Variants in DSG2 observed in about 807,000 individuals in gnomAD.
DSG2 encodes the protein desmoglein 2, also known as desmoglein-2.
A neutral mutation model predicts 75.6 loss-of-function variants in DSG2; 45 were observed. The ratio of observed to expected loss-of-function variants is 0.60; its 90% CI spans 0.47 to 0.76. DSG2 has a LOEUF of 0.76. DSG2 is among the 30% of genes least tolerant of loss of function. The probability of loss-of-function intolerance (pLI) is 0.00; values close to 1 mark genes in which losing one functional copy is unlikely to be tolerated. For synonymous variants in DSG2, 429 were observed against 483.9 expected, an observed-to-expected ratio of 0.89 and a Z score of 1.49; for missense variants, 1,267 against 1,357.4, an observed-to-expected ratio of 0.93 and a Z score of 1.05.
intron 1 of DSG2, among the ~76,000 whole-genome samples, chr18:31,513,369 C>T (rs1323799513): frequency 6.6e-6 from 1 of 152,196 alleles, no homozygotes; most frequent in East Asian, 1.9e-4. Flanking sequence ...TATGCATGTG[C>T]TTCTCTTCTA....
At chr18:31,514,628 A>G (rs2073084057) in intron 1 of DSG2, among the ~76,000 whole-genome samples, 1 of 152,196 alleles carries the variant, frequency 6.6e-6, no homozygotes, top group East Asian at 1.9e-4. Context: ...TGGTCTGAGA[A>G]CCCACAACAT....
At position 31,511,400 on chromosome 18, in the gene DSG2, G is replaced by A. The variant is rs115969915; in HGVS notation, c.46-6839G>A. On this transcript the variant is annotated intron_variant, in intron 1 of 14. Coordinates refer to ENST00000261590, the MANE Select transcript of DSG2 (RefSeq NM_001943.5). ...CCCAGTGGCAGGAGGAGCGGGGCAG[G>A]GCAAAACTGCCCCTAGTGGAGAACG... Among the ~76,000 whole-genome samples the A allele has an allele frequency of 3.5e-3, 527 of 152,262 alleles. 5 individuals carry two copies. The highest frequency in any genetic ancestry group is 0.012 in the African/African-American group (514 of 41,550).
chr18:31,541,220 A>G lies in DSG2; in HGVS notation c.1907A>G (p.His636Arg), dbSNP rs1254129894. 1.2e-6 allele frequency: 2 copies of G among 1,614,178 alleles called. No homozygotes were observed. The highest frequency in any genetic ancestry group is 1.7e-6 in the Non-Finnish European group (2 of 1,180,008). Reference protein sequence around the residue: ...LLVPLLLLMCHCGKGAKGFTP... With the variant: ...LLVPLLLLMCRCGKGAKGFTP... ...GTACCACTTTTACTGCTGATGTGCC[A>G]TTGCGGAAAGGGCGCCAAAGGCTTT... Residue 636 changes from histidine to arginine, a missense_variant, in exon 13 of 15, where the codon CAT becomes CGT. Physicochemically the swap from His to Arg is conservative, Grantham distance 29 (BLOSUM62 0). Transcript: ENST00000261590.
rs141175168 is a variant in DSG2 at position 31,531,270 on chromosome 18, G to A, written c.1280+18G>A. 9.9e-6 allele frequency: 16 copies of A among 1,613,080 alleles called. No homozygotes were observed. The highest frequency in any genetic ancestry group is 5.5e-5 in the South Asian group (5 of 90,820). On this transcript the variant is annotated intron_variant, in intron 9 of 14. Transcript: ENST00000261590. ...CATGCAAGGTAAGAGAGAGTGACAC[G>A]TGTATTTCTTTATTTTAAATTATTT...
At chr18:31,544,196 T>C (rs1225550539) in intron 14 of DSG2, among the ~76,000 whole-genome samples, 1 of 152,062 alleles carries the variant, frequency 6.6e-6, no homozygotes, top group Non-Finnish European at 1.5e-5. Context: ...CAGAACACTC[T>C]ATGCAACAGA....
intron 1 of DSG2, among the ~76,000 whole-genome samples, chr18:31,506,397 A>G (rs1263208327): frequency 2.0e-5 from 3 of 152,238 alleles, no homozygotes; most frequent in Admixed American, 1.3e-4. Flanking sequence ...AAAACTGTAC[A>G]TATAACTTTC....
rs869025388 is a variant in DSG2, at chr18:31,524,549, T to A, written c.792T>A (p.Asp264Glu). ...KQAQVQIRIL[D>E]VNDNIPVVEN... ...CTCAAGTTCAGATTCGTATTTTGGA[T>A]GTCAATGACAATATACCTGTAGTAG... The change falls in exon 7 of 15, where the codon GAT becomes GAA. Residue 264 changes from aspartate (D) to glutamate (E), a missense_variant. Asp to Glu is a conservative substitution (Grantham distance 45). Coordinates refer to ENST00000261590, the MANE Select transcript of DSG2 (RefSeq NM_001943.5). 6 of 1,614,008 alleles carry A rather than the reference T, an allele frequency of 3.7e-6. No individual in the cohort carries two copies. Among genetic ancestry groups the A allele is most frequent in the Non-Finnish European group, 5.1e-6 (6 of 1,179,988 alleles).
At chr18:31,520,048 T>C in intron 3 of DSG2, 111 bp downstream of exon 3, 1 of 1,355,898 alleles carries the variant, frequency 7.4e-7, no homozygotes, top group South Asian at 1.3e-5. Context: ...GCTTACAGAA[T>C]TTTTAAATAT....
rs568996884 is a variant in DSG2, at chr18:31,542,505, T to C, written c.2002-15T>C. The C allele has an allele frequency of 6.2e-7, 1 of 1,613,336 alleles. No individual in the cohort carries two copies. Among genetic ancestry groups the C allele is most frequent in the South Asian group, 1.1e-5 (1 of 91,042 alleles). The stretch of plus-strand genomic sequence containing the variant: ...ATCCTCCTGACTCAGTTCTCAGCTG[T>C]GTTTGCTCTCACAGGTGGTGCCATC... On this transcript the variant is annotated splice_polypyrimidine_tract_variant and intron_variant, in intron 13 of 14. Coordinates refer to ENST00000261590, the MANE Select transcript of DSG2 (RefSeq NM_001943.5).
intron 1 of DSG2, 110 bp downstream of exon 1, chr18:31,498,406 C>T (rs1598799265): frequency 1.7e-6 from 2 of 1,152,882 alleles, no homozygotes; most frequent in Non-Finnish European, 1.1e-6. Context: ...GTTACCTGCC[C>T]GGCGCTCCTT....
intron 1 of DSG2, among the ~76,000 whole-genome samples, chr18:31,505,677 T>C (rs2073035671): frequency 6.6e-6 from 1 of 151,346 alleles, no homozygotes; most frequent in Admixed American, 6.6e-5. Context: ...TTTTTCTTTT[T>C]TTTGAGATGG....
intron 3 of DSG2, among the ~76,000 whole-genome samples, 168 bp downstream of exon 3, chr18:31,520,105 T>G (rs2073119609): frequency 2.6e-5 from 4 of 152,234 alleles, no homozygotes; most frequent in Admixed American, 2.6e-4. Context: ...TAGCATAAAG[T>G]ATCAACTTTA....
At chr18:31,541,463 C>A in intron 13 of DSG2, 149 bp downstream of exon 13, 1 of 1,072,782 alleles carries the variant, frequency 9.3e-7, no homozygotes. Context: ...GTTCAAATGA[C>A]AGCATATTTT....
intron 1 of DSG2, among the ~76,000 whole-genome samples, chr18:31,504,244 G>C (rs2073027736): frequency 6.6e-6 from 1 of 152,138 alleles, no homozygotes; most frequent in African/African-American, 2.4e-5. Context: ...AGACCGTTCA[G>C]ATTTCCCTCG....
chr18:31,498,446 G>A, intron 1 of DSG2, 150 bp downstream of exon 1: 1 of 891,016 alleles, frequency 1.1e-6, no homozygotes, highest in Non-Finnish European at 1.5e-6. Flanking sequence ...AAAGGGCCGG[G>A]CAGGCTGCGG....
rs762768999 is a variant in DSG2 at position 31,519,957 on chromosome 18, A to G, written c.216+20A>G. 3.1e-6 allele frequency: 5 copies of G among 1,614,076 alleles called. No individual in the cohort carries two copies. Among genetic ancestry groups the G allele is most frequent in the East Asian group, 4.5e-5 (2 of 44,890 alleles). The stretch of plus-strand genomic sequence containing the variant: ...GCCAAGGTACCTCCTAAAGAGGAAC[A>G]TGAAATACATGCATATGACTAAAAT... On this transcript the variant is annotated intron_variant, in intron 3 of 14. Transcript: ENST00000261590.
rs2073126642 is a variant in DSG2 at position 31,521,244 on chromosome 18, G to GT, written c.523+2dup. On this transcript the variant is annotated splice_donor_variant, in intron 5 of 14. Transcript: ENST00000261590. LOFTEE classifies it high-confidence loss of function. The stretch of plus-strand genomic sequence containing the variant: ...TCTGTTGAAGAGTTGAGTGCAGCAC[G>GT]TAAGAGTCTTTTTTTTTTTTTTTAA... The GT allele has an allele frequency of 1.2e-6, 2 of 1,602,632 alleles. No homozygotes were observed. Among genetic ancestry groups the GT allele is most frequent in the Non-Finnish European group, 8.5e-7 (1 of 1,175,974 alleles).
At chr18:31,523,271 G>C (rs1388721328) in intron 6 of DSG2, among the ~76,000 whole-genome samples, 2 of 151,972 alleles carry the variant, frequency 1.3e-5, no homozygotes, top group African/African-American at 4.8e-5. Flanking sequence ...TGTGGTGGCG[G>C]GCACCTGTAG....
rs750158196 is a variant in DSG2, at chr18:31,536,201, G to T, written c.1424-1G>T. Reference sequence around the variant, plus strand: ...CATACTTTTTCTCTCTTATTTTTAAGATTATCCTAGAAAAACCATCACTGG... The same window carrying T: ...CATACTTTTTCTCTCTTATTTTTAATATTATCCTAGAAAAACCATCACTGG... On this transcript the variant is annotated splice_acceptor_variant, in intron 10 of 14. Coordinates refer to ENST00000261590, the MANE Select transcript of DSG2 (RefSeq NM_001943.5). LOFTEE classifies it high-confidence loss of function. 3 of 1,613,676 alleles carry T rather than the reference G, an allele frequency of 1.9e-6. No homozygotes were observed. Among genetic ancestry groups the T allele is most frequent in the Non-Finnish European group, 1.7e-6 (2 of 1,179,664 alleles).
Sources: allele counts gnomAD v4.1 joint callset (sites outside exome capture counted in the v4.1 genomes callset), GRCh38; gene constraint gnomAD v4.1.1; transcripts MANE v1.5; gene names NCBI Gene and HGNC (gene_info 2026-07-23, HGNC 2026-07-21).